Variants in ACYP2 observed in about 807,000 individuals in gnomAD.
The protein encoded by ACYP2 is acylphosphatase 2, also known as acylphosphatase-2.
A neutral mutation model predicts 11.2 loss-of-function variants in ACYP2; 12 were observed. The observed-to-expected ratio is 1.08, with a 90% confidence interval of 0.69 to 1.74. The LOEUF is 1.74. Among genes scored for constraint, ACYP2 ranks in the 40% most tolerant of loss-of-function variants. The probability of loss-of-function intolerance (pLI) is 0.00; values close to 1 mark genes in which losing one functional copy is unlikely to be tolerated. For synonymous variants in ACYP2, 43 were observed against 32.2 expected (o/e 1.33, Z -1.13); for missense variants, 134 against 101.9 (o/e 1.31, Z -1.35).
chr2:54,000,514 C>A (rs1021060803), intron 2 of ACYP2, among the ~76,000 whole-genome samples: 4 of 152,158 alleles, frequency 2.6e-5, no homozygotes, highest in Non-Finnish European at 5.9e-5. Context: ...CTGTGTCAGT[C>A]AGGATAGGCT....
At chr2:54,277,893 A>T (rs1314013258) in intron 6 of ACYP2, among the ~76,000 whole-genome samples, 1 of 152,158 alleles carries the variant, frequency 6.6e-6, no homozygotes, top group Non-Finnish European at 1.5e-5. Context: ...ACATTTTATT[A>T]TAGGAAGTTT....
At chr2:54,184,861 T>TTC (rs1553387236) in intron 6 of ACYP2, among the ~76,000 whole-genome samples, 3,724 of 151,364 alleles carry the variant, frequency 0.025, 165 homozygotes, top group African/African-American at 0.084. Context: ...TTTTTTTTTT[T>TTC]TGGAGACAAG....
chr2:54,009,434 C>T lies in ACYP2; in HGVS notation c.62+35624C>T, dbSNP rs140646684. On this transcript the variant is annotated intron_variant, in intron 2 of 6. Transcript: ENST00000607452. ...CAAACAAACAAACAAATTAGCTGGG[C>T]ATGGTGGCACACACCTGTAATCCCA... 9.6e-3 allele frequency among the ~76,000 whole-genome samples: 1,450 copies of T among 151,326 alleles called. 24 individuals carry two copies. Among genetic ancestry groups the T allele is most frequent in the African/African-American group, 0.032 (1,334 of 41,260 alleles).
At chr2:54,226,959 T>G (rs1686034288) in intron 6 of ACYP2, among the ~76,000 whole-genome samples, 1 of 152,290 alleles carries the variant, frequency 6.6e-6, no homozygotes, top group East Asian at 1.9e-4. Flanking sequence ...AATCAACACA[T>G]TTGGCTTATA....
intron 2 of ACYP2, among the ~76,000 whole-genome samples, chr2:53,988,478 G>A (rs1171766366): frequency 6.6e-6 from 1 of 151,982 alleles, no homozygotes; most frequent in Non-Finnish European, 1.5e-5. Flanking sequence ...TCAGCTTATT[G>A]CAACCTCCAC....
chr2:54,271,790 T>C (rs1688317468), intron 6 of ACYP2, among the ~76,000 whole-genome samples: 1 of 152,098 alleles, frequency 6.6e-6, no homozygotes, highest in Non-Finnish European at 1.5e-5. Context: ...AAACTAGTGG[T>C]TACCACAATA....
chr2:54,113,677 G>A (rs1428470357), intron 4 of ACYP2, among the ~76,000 whole-genome samples: 4 of 152,132 alleles, frequency 2.6e-5, no homozygotes, highest in African/African-American at 7.2e-5. Context: ...GTAACCACTC[G>A]CAGAGATGAC....
intron 4 of ACYP2, among the ~76,000 whole-genome samples, chr2:54,132,479 C>T (rs1424923704): frequency 6.6e-6 from 1 of 151,958 alleles, no homozygotes. Flanking sequence ...TTCCTTCATA[C>T]TTGTTGGGTA....
chr2:54,135,727 G>A (rs1681188898), intron 5 of ACYP2, among the ~76,000 whole-genome samples: 2 of 152,064 alleles, frequency 1.3e-5, no homozygotes, highest in South Asian at 4.1e-4. Context: ...TTAATGAAAC[G>A]CTTTGATTAG....
chr2:54,304,037 T>G (rs1573080281), intron 6 of ACYP2, among the ~76,000 whole-genome samples: 1 of 152,182 alleles, frequency 6.6e-6, no homozygotes, highest in Admixed American at 6.5e-5. Flanking sequence ...TTGCACTAAA[T>G]AAGAAGAAAA....
At chr2:54,039,105 G>A (rs996796297) in intron 2 of ACYP2, among the ~76,000 whole-genome samples, 2 of 152,012 alleles carry the variant, frequency 1.3e-5, no homozygotes, top group African/African-American at 4.8e-5. Context: ...ATAGAACAGG[G>A]AAGTGGGAAA....
At chr2:54,066,187 C>T (rs1296703141) in intron 4 of ACYP2, 2 of 152,214 alleles carry the variant, frequency 1.3e-5, no homozygotes, top group Admixed American at 1.3e-4. Context: ...GTGATTGGAT[C>T]ATGGCGGCAG....
intron 6 of ACYP2, among the ~76,000 whole-genome samples, chr2:54,221,124 C>T (rs983436471): frequency 1.3e-5 from 2 of 152,138 alleles, no homozygotes; most frequent in Non-Finnish European, 2.9e-5. Context: ...GCTGCCCCTT[C>T]ACCTTGGGTT....
intron 6 of ACYP2, among the ~76,000 whole-genome samples, chr2:54,207,167 A>ATGTGTGTGTG (rs1685106654): frequency 5.4e-5 from 4 of 73,514 alleles, no homozygotes; most frequent in Non-Finnish European, 1.2e-4. Context: ...TATATACAAC[A>ATGTGTGTGTG]TGTATATGTG....
intron 6 of ACYP2, among the ~76,000 whole-genome samples, chr2:54,163,245 T>G (rs932031643): frequency 2.0e-5 from 3 of 152,190 alleles, no homozygotes; most frequent in Non-Finnish European, 4.4e-5. Context: ...GTGATTTATG[T>G]GTATATGCTT....
intron 6 of ACYP2, among the ~76,000 whole-genome samples, chr2:54,164,260 A>ATTT (rs1682855162): frequency 1.3e-5 from 2 of 152,302 alleles, no homozygotes; most frequent in African/African-American, 4.8e-5. Flanking sequence ...ACTGGGGAGA[A>ATTT]GTTCAGATGA....
At position 53,973,721 on chromosome 2, in the gene ACYP2, T is replaced by A; in HGVS notation, c.-28T>A. On this transcript the variant is annotated 5_prime_UTR_variant, in exon 2 of 7. Transcript: ENST00000607452. Reference sequence around the variant, plus strand: ...GCTGACTCCTTTTTCAGACTCAGCCTGCCTGCACCCAGGTGAAATAAACAG... The same window carrying A: ...GCTGACTCCTTTTTCAGACTCAGCCAGCCTGCACCCAGGTGAAATAAACAG... The A allele has an allele frequency of 3.3e-6, 1 of 304,780 alleles. No homozygotes were observed. Among genetic ancestry groups the A allele is most frequent in the Non-Finnish European group, 6.0e-6 (1 of 166,916 alleles). 18.9% of individuals were successfully genotyped at this position (304,780 alleles called of 1,614,324 possible).
chr2:54,227,222 T>C (rs186826984), intron 6 of ACYP2, among the ~76,000 whole-genome samples: 21 of 152,350 alleles, frequency 1.4e-4, no homozygotes, highest in African/African-American at 4.6e-4. Flanking sequence ...TTTCTATTTT[T>C]CCAAAAGCAG....
chr2:54,063,571 T>G (rs1676579781), intron 4 of ACYP2, among the ~76,000 whole-genome samples: 1 of 152,194 alleles, frequency 6.6e-6, no homozygotes, highest in South Asian at 2.1e-4. Flanking sequence ...TTACTCCCCT[T>G]TCCAGCCAGA....
Sources: gnomAD v4.1 joint callset for allele counts (sites outside exome capture counted in the v4.1 genomes callset) on GRCh38, gnomAD v4.1.1 for gene constraint, MANE v1.5 for transcripts, NCBI Gene and HGNC (gene_info 2026-07-23, HGNC 2026-07-21) for gene names.